The following NUSAP1 variants were observed in gnomAD, a reference collection of about 807,000 sequenced individuals.
The protein encoded by NUSAP1 is nucleolar and spindle-associated protein 1.
Under a neutral mutation model 52.8 loss-of-function variants are expected in NUSAP1, and 32 were observed. That is an observed-to-expected ratio of 0.61 (90% CI 0.46 to 0.81). The LOEUF (loss-of-function observed/expected upper bound fraction) is 0.81, where lower values mean the gene tolerates loss of function less well. NUSAP1 is among the 40% of genes least tolerant of loss of function. The pLI, the probability that NUSAP1 is intolerant of heterozygous loss-of-function variation, is 0.00. For missense variants in NUSAP1, 499 were observed against 522.3 expected, an observed-to-expected ratio of 0.96 and a Z score of 0.43; for synonymous variants, 195 against 183.1, an observed-to-expected ratio of 1.06 and a Z score of -0.52.
chr15:41,357,757 C>T (rs116534429), intron 5 of NUSAP1, among the ~76,000 whole-genome samples: 1,742 of 152,224 alleles, frequency 0.011, 39 homozygotes, highest in African/African-American at 0.039. Context: ...GTCTTAAATA[C>T]TTTTATCTAG....
chr15:41,342,440 G>A lies in NUSAP1; in HGVS notation c.148G>A (p.Gly50Arg), dbSNP rs756592106. Reference sequence around the variant, plus strand: ...CTACATTAAACATGAGGCAAGAAAAGGAAATGAGAATCAGGTGAGTAATGT... The same window carrying A: ...CTACATTAAACATGAGGCAAGAAAAAGAAATGAGAATCAGGTGAGTAATGT... ...KGYIKHEARK[G>R]NENQDESQTS... The change falls in exon 2 of 11, where the codon GGA (glycine) becomes AGA (arginine). Residue 50 changes from glycine to arginine, a missense_variant. Coordinates refer to ENST00000559596, the MANE Select transcript of NUSAP1 (RefSeq NM_016359.5). The A allele has an allele frequency of 3.2e-5, 51 of 1,591,008 alleles. No homozygotes were observed. Among genetic ancestry groups the A allele is most frequent in the Non-Finnish European group, 4.2e-5 (49 of 1,168,048 alleles).
At position 41,335,475 on chromosome 15, in the gene NUSAP1, GTATT is replaced by G. The variant is rs1015980352; in HGVS notation, c.93+2428_93+2431del. ...TAAATATACTAAATTTACATATTTA[GTATT>G]TAGTGTGTATTAGTATATATATTTA... On this transcript the variant is annotated intron_variant, in intron 1 of 10. Coordinates refer to ENST00000559596, the MANE Select transcript of NUSAP1 (RefSeq NM_016359.5). Among the ~76,000 whole-genome samples the G allele has an allele frequency of 6.1e-3, 835 of 136,356 alleles. 12 individuals are homozygous for G. The highest frequency in any genetic ancestry group is 0.021 in the African/African-American group (784 of 37,208). The allele number at this position is 136,356 out of a possible 152,430, so 89.5% of individuals were successfully genotyped here. A position where few individuals can be genotyped will look rare whatever the true frequency, so the allele number is the denominator to read the frequency against.
Position 41,345,188 on chromosome 15 carries a change from C to T in NUSAP1, c.162+2734C>T, listed in dbSNP as rs140802691. ...CTATTTTTTGTATTTTTAGTAGAGA[C>T]GGGGTTTCACAATATTGCCCGGGCT... On this transcript the variant is annotated intron_variant, in intron 2 of 10. Coordinates refer to ENST00000559596, the MANE Select transcript of NUSAP1 (RefSeq NM_016359.5). Among the ~76,000 whole-genome samples, 636 of 152,022 alleles carry T rather than the reference C, an allele frequency of 4.2e-3. 6 individuals carry two copies. The highest frequency in any genetic ancestry group is 0.015 in the African/African-American group (609 of 41,466).
Position 41,377,110 on chromosome 15 carries a change from C to T in NUSAP1, c.1124-86C>T, listed in dbSNP as rs527522163. On this transcript the variant is annotated intron_variant, in intron 9 of 10. Coordinates refer to ENST00000559596, the MANE Select transcript of NUSAP1 (RefSeq NM_016359.5). ...AAAAAAAAAGTATAAATGTTGATAG[C>T]AGGTAACCCCACAGATGAAGAGAAT... is the stretch of plus-strand genomic sequence containing the variant. 3 of 692,394 alleles carry T rather than the reference C, an allele frequency of 4.3e-6. No homozygotes were observed. In the Admixed American group the frequency reaches 9.2e-5, roughly 21 times the overall value. 42.9% of individuals were successfully genotyped at this position (692,394 alleles called of 1,614,324 possible). A position where few individuals can be genotyped will look rare whatever the true frequency, so the allele number is the denominator to read the frequency against.
chr15:41,356,166 T>C, intron 5 of NUSAP1, 26 bp downstream of exon 5: 1 of 1,306,488 alleles, frequency 7.7e-7, no homozygotes, highest in Non-Finnish European at 1.1e-6. Flanking sequence ...AAAGCCATAA[T>C]AAGTAATGGT....
At chr15:41,377,591 C>T (rs577407280) in intron 10 of NUSAP1, among the ~76,000 whole-genome samples, 182 of 150,584 alleles carry the variant, frequency 1.2e-3, no homozygotes, top group Non-Finnish European at 1.9e-3. Context: ...TCCAGCTACT[C>T]GGGAGGCTGA....
chr15:41,380,172 T>A lies in NUSAP1; in HGVS notation c.1312T>A (p.Leu438Met). Residue 438 changes from leucine (L) to methionine (M), a missense_variant, in exon 11 of 11, where the codon TTG becomes ATG. Leu to Met is a conservative substitution (Grantham distance 15). Coordinates refer to ENST00000559596, the MANE Select transcript of NUSAP1 (RefSeq NM_016359.5). ...TTTGGGAATGCGAAGGGGCCTCATT[T>A]TGGCTGAAGATTAATAATTTTTTAA... Reference protein sequence around the residue: ...KVLGMRRGLILAED With the variant: ...KVLGMRRGLIMAED The A allele has an allele frequency of 6.3e-7, 1 of 1,575,168 alleles. No homozygotes were observed. The highest frequency in any genetic ancestry group is 1.2e-5 in the South Asian group (1 of 85,358).
intron 1 of NUSAP1, among the ~76,000 whole-genome samples, chr15:41,335,918 G>A (rs2048109920): frequency 6.7e-6 from 1 of 149,814 alleles, no homozygotes; most frequent in Non-Finnish European, 1.5e-5. Flanking sequence ...AAATTGTAAT[G>A]TTTTATTTTA....
intron 10 of NUSAP1, among the ~76,000 whole-genome samples, chr15:41,378,944 G>GCTTTTTTT (rs1253258207): frequency 1.6e-5 from 1 of 63,270 alleles, no homozygotes; most frequent in African/African-American, 7.0e-5. Flanking sequence ...ACTTATCTTG[G>GCTTTTTTT]TTTTTTTTTT....
chr15:41,377,975 G>T (rs1033092645), intron 10 of NUSAP1, among the ~76,000 whole-genome samples: 1 of 151,598 alleles, frequency 6.6e-6, no homozygotes, highest in African/African-American at 2.4e-5. Flanking sequence ...GGGCGACAGA[G>T]TGAGACTCCG....
At chr15:41,356,313 GT>G (rs2140681203) in intron 5 of NUSAP1, among the ~76,000 whole-genome samples, 173 bp downstream of exon 5, 1 of 150,830 alleles carries the variant, frequency 6.6e-6, no homozygotes, top group African/African-American at 2.4e-5. Context: ...CACTTCCTCA[GT>G]GCAAAGTGGA....
intron 2 of NUSAP1, 128 bp from the exon 3 acceptor site, chr15:41,348,970 C>T (rs566061917): frequency 1.8e-5 from 16 of 872,252 alleles, no homozygotes; most frequent in Middle Eastern, 3.2e-4. Flanking sequence ...CTACAATTTA[C>T]CGCTAGAGAG....
At position 41,363,613 on chromosome 15, in the gene NUSAP1, T is replaced by G. The variant is rs972827775; in HGVS notation, c.661-1789T>G. On this transcript the variant is annotated intron_variant, in intron 6 of 10. Coordinates refer to ENST00000559596, the MANE Select transcript of NUSAP1 (RefSeq NM_016359.5). ...GTCTCAAACTCCTAGGCTCAAGCGG[T>G]CCCCCCTCTTCTGCCTCCCAAAGTA... 2.6e-5 allele frequency among the ~76,000 whole-genome samples: 4 copies of G among 151,974 alleles called. 1 individual carries two copies. Among genetic ancestry groups the G allele is most frequent in the African/African-American group, 9.7e-5 (4 of 41,396 alleles).
At chr15:41,366,053 A>G (rs1307791844) in intron 7 of NUSAP1, among the ~76,000 whole-genome samples, 4 of 151,910 alleles carry the variant, frequency 2.6e-5, no homozygotes, top group Non-Finnish European at 5.9e-5. Context: ...ATTGTATTGT[A>G]GTCAGATCAG....
At chr15:41,359,605 A>G (rs1013679035) in intron 6 of NUSAP1, among the ~76,000 whole-genome samples, 5 of 151,302 alleles carry the variant, frequency 3.3e-5, no homozygotes, top group African/African-American at 1.2e-4. Flanking sequence ...ATGTAAAACC[A>G]CTGTTACAAC....
chr15:41,335,843 ATAAATATAC>A (rs1260646789), intron 1 of NUSAP1, among the ~76,000 whole-genome samples: 1 of 147,964 alleles, frequency 6.8e-6, no homozygotes, highest in African/African-American at 2.5e-5. Flanking sequence ...CAGTATAAAT[ATAAATATAC>A]TAAATATACT....
chr15:41,349,166 TGA>T lies in NUSAP1; in HGVS notation c.236_237del (p.Arg79ThrfsTer21). 6.2e-7 allele frequency: 1 copy of T among 1,613,974 alleles called. No individual in the cohort carries two copies. Among genetic ancestry groups the T allele is most frequent in the Non-Finnish European group, 8.5e-7 (1 of 1,179,838 alleles). ...EIQISNQEEA[E>X]RQPLGHVTKT... ...TACAGATCAGCAACCAGGAAGAAGC[TGA>T]GAGACAGCCACTTGGCCATGTCACC... On this transcript the variant is annotated frameshift_variant, in exon 3 of 11. Transcript: ENST00000559596. LOFTEE classifies it high-confidence loss of function.
At chr15:41,349,766 C>CTTTT (rs1181209511) in intron 3 of NUSAP1, among the ~76,000 whole-genome samples, 1 of 123,546 alleles carries the variant, frequency 8.1e-6, no homozygotes, top group Admixed American at 8.8e-5. Flanking sequence ...TTTTTCTTTT[C>CTTTT]TTTTTTTTTT....
intron 2 of NUSAP1, among the ~76,000 whole-genome samples, chr15:41,346,933 G>A (rs2048597833): frequency 6.6e-6 from 1 of 152,096 alleles, no homozygotes; most frequent in Non-Finnish European, 1.5e-5. Flanking sequence ...ACCACTTTGG[G>A]AGGTCAAGGT....
Sources: allele counts gnomAD v4.1 joint callset (sites outside exome capture counted in the v4.1 genomes callset), GRCh38; gene constraint gnomAD v4.1.1; transcripts MANE v1.5; gene names NCBI Gene and HGNC (gene_info 2026-07-23, HGNC 2026-07-21).